The following PLEKHA2 variants were observed in gnomAD, a reference collection of about 807,000 sequenced individuals.
PLEKHA2 encodes pleckstrin homology domain-containing family A member 2.
Under a neutral mutation model 53.2 loss-of-function variants are expected in PLEKHA2, and 28 were observed. The ratio of observed to expected loss-of-function variants is 0.53; its 90% CI spans 0.39 to 0.72. The LOEUF (loss-of-function observed/expected upper bound fraction) is 0.72. Ranked by LOEUF, PLEKHA2 falls within the 30% of genes least tolerant of loss-of-function variation. The probability of loss-of-function intolerance (pLI) is 0.00; values close to 1 mark genes in which losing one functional copy is unlikely to be tolerated. For synonymous variants in PLEKHA2, 193 were observed against 196.4 expected (o/e 0.98, Z 0.14); for missense variants, 426 against 537.9 (o/e 0.79, Z 2.06).
At chr8:38,918,414 T>A (rs1318109142) in intron 2 of PLEKHA2, among the ~76,000 whole-genome samples, 2 of 131,582 alleles carry the variant, frequency 1.5e-5, no homozygotes, top group African/African-American at 5.9e-5. Context: ...CACAGACACA[T>A]ACACACACCA....
Position 38,969,506 on chromosome 8 carries a change from G to A in PLEKHA2, c.1001G>A (p.Gly334Glu), listed in dbSNP as rs963372911. ...GGGCCCAACTCTATCCTGTGCAGGG[G>A]GCGGCCACCTTTGGAGGAAAAGAAA... ...SSGPNSILCR[G>E]RPPLEEKKAL... Residue 334 changes from glycine to glutamate, a missense_variant, in exon 12 of 12, where the codon GGG (glycine) becomes GAG (glutamate). Transcript: ENST00000617275. The A allele has an allele frequency of 1.2e-6, 2 of 1,613,634 alleles. No individual in the cohort carries two copies. Among genetic ancestry groups the A allele is most frequent in the Non-Finnish European group, 1.7e-6 (2 of 1,179,788 alleles).
chr8:38,951,083 A>T, intron 6 of PLEKHA2, 93 bp downstream of exon 6: 4 of 412,362 alleles, frequency 9.7e-6, no homozygotes, highest in South Asian at 4.5e-5. Flanking sequence ...ACTGGGGAAA[A>T]GGAGGGTGGG....
Position 38,925,013 on chromosome 8 carries a change from CT to C in PLEKHA2, c.141+6951del, listed in dbSNP as rs987945560. On this transcript the variant is annotated intron_variant, in intron 2 of 11. Coordinates refer to ENST00000617275, the MANE Select transcript of PLEKHA2 (RefSeq NM_021623.2). ...CAATATACTGACAATATCAAGCAAA[CT>C]TTTTTTTAAATTATAGTAAGGATGT... is the stretch of plus-strand genomic sequence containing the variant. Among the ~76,000 whole-genome samples, 3 of 152,156 alleles carry C rather than the reference CT, an allele frequency of 2.0e-5. No individual in the cohort carries two copies. The South Asian group carries it at 6.2e-4, about 32-fold the overall frequency.
chr8:38,939,840 C>T (rs1054189678), intron 3 of PLEKHA2, among the ~76,000 whole-genome samples: 6 of 152,132 alleles, frequency 3.9e-5, no homozygotes, highest in Non-Finnish European at 8.8e-5. Flanking sequence ...AATCCCAGCA[C>T]TTTGGGAGTC....
intron 5 of PLEKHA2, chr8:38,950,504 C>T (rs1048081087): frequency 3.4e-5 from 6 of 177,048 alleles, no homozygotes; most frequent in Non-Finnish European, 7.0e-5. Context: ...GTTTGTTTTA[C>T]GTTTTTTTTT....
intron 5 of PLEKHA2, among the ~76,000 whole-genome samples, chr8:38,947,027 C>T (rs1834727536): frequency 6.6e-6 from 1 of 152,170 alleles, no homozygotes; most frequent in African/African-American, 2.4e-5. Flanking sequence ...TTCCTGTGAA[C>T]AACTGTATAG....
intron 1 of PLEKHA2, among the ~76,000 whole-genome samples, chr8:38,910,057 A>G (rs1387989889): frequency 6.6e-6 from 1 of 151,702 alleles, no homozygotes; most frequent in Non-Finnish European, 1.5e-5. Context: ...CCAGGGCTCA[A>G]GTGATCCTCC....
chr8:38,950,935 T>C lies in PLEKHA2; in HGVS notation c.431T>C (p.Val144Ala), dbSNP rs766598094. The C allele has an allele frequency of 1.2e-6, 2 of 1,613,882 alleles. No homozygotes were observed. Residue 144 changes from valine to alanine, a missense_variant, in exon 6 of 12, where the codon GTG becomes GCG. Val to Ala is a moderately conservative substitution (Grantham distance 64). Coordinates refer to ENST00000617275, the MANE Select transcript of PLEKHA2 (RefSeq NM_021623.2). ...APPALEKKPQ[V>A]AYKTEIIGGV... ...CCAGCCCTGGAGAAGAAGCCACAGG[T>C]GGCCTACAAGACGGAGATCATTGGA...
intron 3 of PLEKHA2, among the ~76,000 whole-genome samples, chr8:38,937,707 C>A (rs373147373): frequency 1.1e-4 from 17 of 152,320 alleles, no homozygotes; most frequent in East Asian, 5.8e-4. Context: ...GGTCGGGTTA[C>A]ACAGAGCTCA....
At chr8:38,912,332 C>T (rs1833966341) in intron 1 of PLEKHA2, among the ~76,000 whole-genome samples, 1 of 152,110 alleles carries the variant, frequency 6.6e-6, no homozygotes, top group African/African-American at 2.4e-5. Flanking sequence ...AACAAAAAAC[C>T]AACCATGTAA....
chr8:38,917,348 G>A (rs576367447), intron 1 of PLEKHA2, among the ~76,000 whole-genome samples: 1 of 152,272 alleles, frequency 6.6e-6, no homozygotes, highest in African/African-American at 2.4e-5. Context: ...GAGCCTGGCA[G>A]AATTTTATTC....
At chr8:38,968,797 T>G (rs1367368295) in intron 11 of PLEKHA2, 128 bp downstream of exon 11, 6 of 868,148 alleles carry the variant, frequency 6.9e-6, no homozygotes. Context: ...CAGGCTGTCT[T>G]GCTTGTTTTT....
At chr8:38,924,274 G>A (rs994009244) in intron 2 of PLEKHA2, among the ~76,000 whole-genome samples, 2 of 152,162 alleles carry the variant, frequency 1.3e-5, no homozygotes, top group East Asian at 3.9e-4. Context: ...AGGTGAGCTC[G>A]CCTGGTTGGA....
intron 10 of PLEKHA2, among the ~76,000 whole-genome samples, chr8:38,960,170 A>G (rs1835016126): frequency 6.6e-6 from 1 of 152,200 alleles, no homozygotes; most frequent in African/African-American, 2.4e-5. Flanking sequence ...TCTGCTTCCC[A>G]CATTTCTGGG....
chr8:38,955,636 G>T (rs980891869), intron 9 of PLEKHA2, among the ~76,000 whole-genome samples: 19 of 152,266 alleles, frequency 1.2e-4, no homozygotes, highest in Middle Eastern at 3.4e-3. Context: ...TGTTGTTCTT[G>T]CTCATGGATC....
intron 10 of PLEKHA2, among the ~76,000 whole-genome samples, chr8:38,966,900 T>C (rs534368725): frequency 5.6e-4 from 86 of 152,280 alleles, no homozygotes; most frequent in Admixed American, 1.3e-3. Flanking sequence ...ACCTGAGTAT[T>C]GTGCATCGTA....
At chr8:38,902,944 T>G (rs2152362691) in intron 1 of PLEKHA2, among the ~76,000 whole-genome samples, 4 of 152,348 alleles carry the variant, frequency 2.6e-5, no homozygotes, top group Middle Eastern at 3.4e-3. Flanking sequence ...CTCTTCACCA[T>G]GTGCCGCCTG....
intron 2 of PLEKHA2, among the ~76,000 whole-genome samples, chr8:38,929,935 C>T (rs1323837994): frequency 6.6e-6 from 1 of 152,098 alleles, no homozygotes; most frequent in Non-Finnish European, 1.5e-5. Context: ...CTGGAAGAGG[C>T]GGAAGGGAGT....
chr8:38,954,069 A>G (rs978636205), intron 9 of PLEKHA2, among the ~76,000 whole-genome samples: 2 of 152,284 alleles, frequency 1.3e-5, no homozygotes, highest in South Asian at 2.1e-4. Flanking sequence ...TTTTCTGGCC[A>G]CCAATCTGCA....
Sources: gnomAD v4.1 joint callset for allele counts (sites outside exome capture counted in the v4.1 genomes callset) on GRCh38, gnomAD v4.1.1 for gene constraint, MANE v1.5 for transcripts, NCBI Gene and HGNC (gene_info 2026-07-23, HGNC 2026-07-21) for gene names.